Variants in RFX3 observed in about 807,000 individuals in gnomAD.
The protein encoded by RFX3 is regulatory factor X3, also known as transcription factor RFX3.
Under a neutral mutation model 98.6 loss-of-function variants are expected in RFX3, and 14 were observed. The observed-to-expected ratio is 0.14, with a 90% CI of 0.09 to 0.22. The LOEUF is 0.22. Ranked by LOEUF, RFX3 falls within the 10% of genes least tolerant of loss-of-function variation. The probability of loss-of-function intolerance (pLI) is 1.00; values close to 1 mark genes in which losing one functional copy is unlikely to be tolerated. For synonymous variants in RFX3, 383 were observed against 328.4 expected (o/e 1.17, Z -1.80); for missense variants, 639 against 926.9 (o/e 0.69, Z 4.03).
rs540991267 is a variant in RFX3, at chr9:3,440,461, A to C, written c.-8-44865T>G. ...CTACTTACTAGTTATTAAAACCTAA[A>C]AGCTGCAATTAAAAAAATAAATTTA... On this transcript the variant is annotated intron_variant, in intron 1 of 16. Transcript: ENST00000617270. Among the ~76,000 whole-genome samples, 222 of 152,230 alleles carry C rather than the reference A, an allele frequency of 1.5e-3. 1 individual carries two copies. The highest frequency in any genetic ancestry group is 5.2e-3 in the African/African-American group (216 of 41,576).
In RFX3 at chr9:3,247,107, G is replaced by A. The variant is rs17715051; in HGVS notation, c.1968+925C>T. ...TAAAAGTGAACATGTCTTTTTTACC[G>A]CCTTGGGTAATTTGTCACATTTAAT... On this transcript the variant is annotated intron_variant, in intron 15 of 16. Transcript: ENST00000617270. The A allele has an allele frequency of 0.097, 95,346 of 983,222 alleles. 4,811 individuals are homozygous for A. Among genetic ancestry groups the A allele is most frequent in the Middle Eastern group, 0.15 (288 of 1,908 alleles). The allele number at this position is 983,222 out of a possible 1,614,324, so 60.9% of individuals were successfully genotyped here.
intron 1 of RFX3, among the ~76,000 whole-genome samples, chr9:3,426,437 A>G (rs1844040573): frequency 6.6e-6 from 1 of 152,030 alleles, no homozygotes; most frequent in African/African-American, 2.4e-5. Flanking sequence ...AGGGTCCCCA[A>G]CCCCTCAACT....
chr9:3,357,109 T>A (rs144520523), intron 2 of RFX3, among the ~76,000 whole-genome samples: 27 of 152,004 alleles, frequency 1.8e-4, no homozygotes, highest in African/African-American at 6.3e-4. Flanking sequence ...TCAAAAATAC[T>A]CACTTTTTTC....
intron 1 of RFX3, chr9:3,469,171 G>T (rs1248175377): frequency 2.2e-6 from 1 of 455,432 alleles, no homozygotes; most frequent in South Asian, 1.6e-5. Flanking sequence ...GAGAAAGAAA[G>T]AAATACATGT....
chr9:3,251,406 G>A (rs1821379277), intron 14 of RFX3, among the ~76,000 whole-genome samples: 1 of 151,886 alleles, frequency 6.6e-6, no homozygotes, highest in South Asian at 2.1e-4. Context: ...GGGGTGTGGT[G>A]ATGCCATTAT....
intron 1 of RFX3, among the ~76,000 whole-genome samples, chr9:3,514,394 T>C (rs1045484400): frequency 3.9e-5 from 6 of 152,248 alleles, no homozygotes; most frequent in African/African-American, 1.4e-4. Context: ...TTTTTCTTAA[T>C]ATATCTACTA....
At chr9:3,250,312 T>C (rs1199462816) in intron 14 of RFX3, among the ~76,000 whole-genome samples, 7 of 152,154 alleles carry the variant, frequency 4.6e-5, no homozygotes, top group Admixed American at 4.6e-4. Context: ...AGCAAGTATT[T>C]AAAATTTTCA....
chr9:3,343,520 T>C (rs748935603), intron 3 of RFX3, among the ~76,000 whole-genome samples: 15 of 152,174 alleles, frequency 9.9e-5, no homozygotes, highest in Middle Eastern at 3.4e-3. Context: ...GAGACAAAAA[T>C]TATAATAGTC....
At position 3,267,405 on chromosome 9, in the gene RFX3, G is replaced by A. The variant is rs906247039; in HGVS notation, c.1358-1100C>T. Among the ~76,000 whole-genome samples, 9 of 152,006 alleles carry A rather than the reference G, an allele frequency of 5.9e-5. No homozygotes were observed. The South Asian group carries it at 1.9e-3, about 32-fold the overall frequency. ...TAAATTCCTTGGTTTTTCTTTCTGT[G>A]CTCAAATGAGTCTGACATGATTCTC... On this transcript the variant is annotated intron_variant, in intron 11 of 16. Coordinates refer to ENST00000617270, the MANE Select transcript of RFX3 (RefSeq NM_001282116.2).
At chr9:3,352,257 CAT>C (rs921995358) in intron 2 of RFX3, among the ~76,000 whole-genome samples, 9 of 151,408 alleles carry the variant, frequency 5.9e-5, no homozygotes, top group South Asian at 2.1e-4. Context: ...TGTGTGTGTG[CAT>C]ATATATATAC....
At chr9:3,371,524 T>A (rs1384673247) in intron 2 of RFX3, among the ~76,000 whole-genome samples, 1 of 152,150 alleles carries the variant, frequency 6.6e-6, no homozygotes, top group Non-Finnish European at 1.5e-5. Flanking sequence ...ATTCAAATGA[T>A]GATAATTAAT....
intron 15 of RFX3, among the ~76,000 whole-genome samples, chr9:3,232,074 A>AAG (rs1338597351): frequency 1.5e-5 from 2 of 136,988 alleles, no homozygotes; most frequent in Non-Finnish European, 3.3e-5. Flanking sequence ...AAGCAAGCAA[A>AAG]CAAACAAAAA....
chr9:3,477,803 G>A (rs1849401031), intron 1 of RFX3, among the ~76,000 whole-genome samples: 1 of 151,980 alleles, frequency 6.6e-6, no homozygotes, highest in Non-Finnish European at 1.5e-5. Context: ...AACATTTAAT[G>A]GAGTCACATA....
chr9:3,453,949 G>A (rs1405153570), intron 1 of RFX3, among the ~76,000 whole-genome samples: 1 of 151,918 alleles, frequency 6.6e-6, no homozygotes, highest in Non-Finnish European at 1.5e-5. Flanking sequence ...TTTAACTTGG[G>A]CATCAGTTTT....
intron 2 of RFX3, among the ~76,000 whole-genome samples, chr9:3,390,914 G>A (rs755815487): frequency 7.9e-5 from 12 of 151,942 alleles, no homozygotes; most frequent in Non-Finnish European, 8.8e-5. Flanking sequence ...ATATTAGGTT[G>A]GTGCAAAAAT....
chr9:3,401,851 G>T (rs1841503022), intron 1 of RFX3, among the ~76,000 whole-genome samples: 2 of 152,152 alleles, frequency 1.3e-5, no homozygotes, highest in Non-Finnish European at 1.5e-5. Flanking sequence ...GCCACATTTT[G>T]AAAGAAGGCT....
intron 2 of RFX3, among the ~76,000 whole-genome samples, chr9:3,356,155 TGGAA>T (rs71495494): frequency 0.18 from 22,433 of 125,530 alleles, 2,017 homozygotes; most frequent in East Asian, 0.37. Context: ...CTAGAATAAG[TGGAA>T]GGAAGGAAGG....
Position 3,376,345 on chromosome 9 carries a change from A to G in RFX3, c.117+19127T>C, listed in dbSNP as rs548204372. On this transcript the variant is annotated intron_variant, in intron 2 of 16. Transcript: ENST00000617270. ...CAGGTCCACTCCTAGGTATTTACCC[A>G]TGAGAAATAAAAACCTATGCCCTGA... Among the ~76,000 whole-genome samples the G allele has an allele frequency of 2.4e-3, 364 of 152,356 alleles. 1 individual carries two copies. The highest frequency in any genetic ancestry group is 6.8e-3 in the Middle Eastern group (2 of 294).
intron 1 of RFX3, among the ~76,000 whole-genome samples, chr9:3,486,629 G>C (rs1391245167): frequency 3.3e-5 from 5 of 152,032 alleles, no homozygotes; most frequent in African/African-American, 1.2e-4. Flanking sequence ...AATGCTCAAA[G>C]ACCAAGTTAA....
Sources: allele counts gnomAD v4.1 joint callset (sites outside exome capture counted in the v4.1 genomes callset), GRCh38; gene constraint gnomAD v4.1.1; transcripts MANE v1.5; gene names NCBI Gene and HGNC (gene_info 2026-07-23, HGNC 2026-07-21).